COL8A1: variants seen among roughly 807,000 people sequenced by gnomAD.
The protein encoded by COL8A1 is collagen type VIII alpha 1 chain.
Under a neutral mutation model 42.7 loss-of-function variants are expected in COL8A1, and 21 were observed. The ratio of observed to expected loss-of-function variants is 0.49; its 90% confidence interval spans 0.35 to 0.71. The LOEUF is 0.71. Among genes scored for constraint, COL8A1 ranks in the 30% least tolerant of loss-of-function variants. COL8A1 has a pLI of 0.01. For missense variants in COL8A1, 788 were observed against 962.4 expected (o/e 0.82, Z 2.40); for synonymous variants, 367 against 369.1 (o/e 0.99, Z 0.06).
intron 1 of COL8A1, among the ~76,000 whole-genome samples, chr3:99,720,063 G>A (rs777110202): frequency 6.6e-6 from 1 of 152,036 alleles, no homozygotes; most frequent in Non-Finnish European, 1.5e-5. Flanking sequence ...TTGTGGCAGT[G>A]GTCTCTAAGA....
chr3:99,683,362 C>T (rs1938948345), intron 1 of COL8A1, among the ~76,000 whole-genome samples: 1 of 152,008 alleles, frequency 6.6e-6, no homozygotes, highest in Non-Finnish European at 1.5e-5. Context: ...AATGAAAGTT[C>T]TCAGCTGGAA....
intron 1 of COL8A1, among the ~76,000 whole-genome samples, chr3:99,720,842 A>G (rs1940129508): frequency 6.6e-6 from 1 of 152,160 alleles, no homozygotes; most frequent in Non-Finnish European, 1.5e-5. Context: ...AAAGTGGGGA[A>G]GAATTAATTT....
At chr3:99,661,526 TA>T (rs1938205655) in intron 1 of COL8A1, among the ~76,000 whole-genome samples, 1 of 152,144 alleles carries the variant, frequency 6.6e-6, no homozygotes, top group Non-Finnish European at 1.5e-5. Context: ...GATGAGAATA[TA>T]AAATGGTACA....
At position 99,797,574 on chromosome 3, in the gene COL8A1, A is replaced by T. The variant is rs1378453969; in HGVS notation, c.*1438A>T. The T allele has an allele frequency of 6.6e-6, 1 of 152,208 alleles. No homozygotes were observed. Among genetic ancestry groups the T allele is most frequent in the African/African-American group, 2.4e-5 (1 of 41,458 alleles). 9.4% of individuals were successfully genotyped at this position (152,208 alleles called of 1,614,324 possible). ...GGCATGAGCCACCGTGCCCGGCCAA[A>T]GTCAGCTTTCAAAATCCAAGCCATA... is the stretch of plus-strand genomic sequence containing the variant. On this transcript the variant is annotated 3_prime_UTR_variant, in exon 4 of 4. Coordinates refer to ENST00000652472, the MANE Select transcript of COL8A1 (RefSeq NM_020351.4).
At chr3:99,654,551 A>G (rs768978507) in intron 1 of COL8A1, among the ~76,000 whole-genome samples, 1 of 152,052 alleles carries the variant, frequency 6.6e-6, no homozygotes, top group Non-Finnish European at 1.5e-5. Context: ...ACTTTGGGAG[A>G]TGAAGACAGG....
At chr3:99,790,309 A>G (rs1295090873) in intron 2 of COL8A1, among the ~76,000 whole-genome samples, 1 of 152,170 alleles carries the variant, frequency 6.6e-6, no homozygotes, top group Admixed American at 6.5e-5. Context: ...CATGACAACT[A>G]TACACAATTG....
chr3:99,644,690 C>G (rs1442717583), intron 1 of COL8A1, among the ~76,000 whole-genome samples: 1 of 152,198 alleles, frequency 6.6e-6, no homozygotes, highest in Non-Finnish European at 1.5e-5. Flanking sequence ...AAGACTGTCC[C>G]TCTTAAGCTT....
At chr3:99,732,511 T>C (rs1483406093) in intron 1 of COL8A1, among the ~76,000 whole-genome samples, 1 of 152,038 alleles carries the variant, frequency 6.6e-6, no homozygotes, top group Admixed American at 6.6e-5. Flanking sequence ...TATAAAACCA[T>C]CAGATCTCAT....
At chr3:99,686,001 G>T (rs1319586703) in intron 1 of COL8A1, among the ~76,000 whole-genome samples, 1 of 152,106 alleles carries the variant, frequency 6.6e-6, no homozygotes, top group Non-Finnish European at 1.5e-5. Flanking sequence ...CAAGTAGTAG[G>T]ACAAAATCTC....
chr3:99,650,029 G>A (rs1195662979), intron 1 of COL8A1, among the ~76,000 whole-genome samples: 1 of 152,144 alleles, frequency 6.6e-6, no homozygotes, highest in Admixed American at 6.5e-5. Context: ...TAGCTTGACA[G>A]TCGAGTCTCA....
chr3:99,685,655 T>C (rs770768003), intron 1 of COL8A1: 4 of 152,238 alleles, frequency 2.6e-5, no homozygotes, highest in Admixed American at 2.0e-4. Flanking sequence ...TTCCACATAG[T>C]GTAAATGATT....
Position 99,795,413 on chromosome 3 carries a change from C to T in COL8A1, c.1512C>T (p.Gly504=). The T allele has an allele frequency of 6.5e-7, 1 of 1,534,510 alleles. No individual in the cohort carries two copies. Among genetic ancestry groups the T allele is most frequent in the Non-Finnish European group, 8.8e-7 (1 of 1,138,810 alleles). Residue 504 remains glycine (G), a synonymous_variant, in exon 4 of 4, where the codon GGC becomes GGT. Transcript: ENST00000652472. The part of the protein sequence containing the change: ...QGPPGIPGIG[G]PSGPIGPPGI... Reference sequence around the variant, plus strand: ...CCCCAGGTATCCCAGGGATTGGGGGCCCTAGTGGCCCCATTGGACCACCTG... The same window carrying T: ...CCCCAGGTATCCCAGGGATTGGGGGTCCTAGTGGCCCCATTGGACCACCTG...
intron 1 of COL8A1, among the ~76,000 whole-genome samples, chr3:99,643,218 A>G (rs1158334495): frequency 2.0e-5 from 3 of 152,202 alleles, no homozygotes; most frequent in African/African-American, 7.2e-5. Context: ...GTCTTTGACT[A>G]TGCTGAGCAT....
intron 1 of COL8A1, among the ~76,000 whole-genome samples, chr3:99,686,959 C>G (rs1487383382): frequency 6.6e-6 from 1 of 152,192 alleles, no homozygotes; most frequent in Non-Finnish European, 1.5e-5. Flanking sequence ...CAACCCCTGC[C>G]TCCCTCCCAA....
chr3:99,715,445 C>A (rs557091662), intron 1 of COL8A1, among the ~76,000 whole-genome samples: 16 of 151,982 alleles, frequency 1.1e-4, no homozygotes, highest in Non-Finnish European at 2.2e-4. Context: ...AAGTACTGGG[C>A]TTTTGCCCTT....
chr3:99,730,125 C>G (rs1399943261), intron 1 of COL8A1, among the ~76,000 whole-genome samples: 1 of 152,170 alleles, frequency 6.6e-6, no homozygotes, highest in African/African-American at 2.4e-5. Context: ...TCTCCTTCAA[C>G]ATTGCATGAA....
At chr3:99,687,009 A>AT (rs1939074418) in intron 1 of COL8A1, among the ~76,000 whole-genome samples, 1 of 151,804 alleles carries the variant, frequency 6.6e-6, no homozygotes, top group Non-Finnish European at 1.5e-5. Context: ...CACCCAGCCA[A>AT]TTTTTTTGTT....
intron 1 of COL8A1, among the ~76,000 whole-genome samples, chr3:99,728,119 G>A (rs796951): frequency 1.5e-4 from 23 of 151,970 alleles, no homozygotes; most frequent in Admixed American, 3.9e-4. Context: ...CCTATTCAAC[G>A]TAGTGTTGGA....
chr3:99,771,358 A>G (rs554633114), intron 2 of COL8A1, among the ~76,000 whole-genome samples: 4 of 152,344 alleles, frequency 2.6e-5, no homozygotes, highest in African/African-American at 9.6e-5. Flanking sequence ...ATTTTTGAAC[A>G]ATTGCAAATT....
Sources: gnomAD v4.1 joint callset for allele counts (sites outside exome capture counted in the v4.1 genomes callset) on GRCh38, gnomAD v4.1.1 for gene constraint, MANE v1.5 for transcripts, NCBI Gene and HGNC (gene_info 2026-07-23, HGNC 2026-07-21) for gene names.